The following ZNG1E variants were observed in gnomAD, a reference collection of about 807,000 sequenced individuals.
ZNG1E encodes the protein Zn regulated GTPase metalloprotein activator 1E.
At chr9:65,675,184 A>C in the ZNG1E span, among the ~76,000 whole-genome samples, 1 of 152,410 alleles carries the variant, frequency 6.6e-6, no homozygotes, top group Admixed American at 6.5e-5. Flanking sequence ...GGCGGTGCAC[A>C]TAGGTACGTG....
the ZNG1E span, among the ~76,000 whole-genome samples, chr9:65,658,980 A>T: frequency 6.6e-6 from 1 of 151,898 alleles, no homozygotes; most frequent in African/African-American, 2.4e-5. Flanking sequence ...GTCATATTCT[A>T]AACTACTGGG....
chr9:65,704,922 AAAAACAAAC>A, the ZNG1E span: 1 of 138,186 alleles, frequency 7.2e-6, no homozygotes, highest in Non-Finnish European at 1.5e-5. Flanking sequence ...AAAAAAAAAA[AAAAACAAAC>A]AAAAAAACCG....
the ZNG1E span, among the ~76,000 whole-genome samples, chr9:65,687,782 T>G: frequency 2.1e-5 from 3 of 144,066 alleles, no homozygotes; most frequent in South Asian, 2.3e-4. Flanking sequence ...TCTCCCTCCC[T>G]CCTTGAAGGC....
chr9:65,716,313 CCTGA>C, the ZNG1E span, among the ~76,000 whole-genome samples: 13 of 133,948 alleles, frequency 9.7e-5, no homozygotes, highest in Middle Eastern at 3.6e-3. Flanking sequence ...TGTCACCATG[CCTGA>C]CTAATTTTTT....
the ZNG1E span, chr9:65,703,512 A>G: frequency 1.1e-6 from 1 of 929,876 alleles, no homozygotes; most frequent in Non-Finnish European, 1.3e-6. Flanking sequence ...ATTTCTGTAG[A>G]TTAAATTCTG....
the ZNG1E span, among the ~76,000 whole-genome samples, chr9:65,677,627 C>T: frequency 6.6e-6 from 1 of 152,262 alleles, no homozygotes; most frequent in Non-Finnish European, 1.5e-5. Flanking sequence ...TTATTCGTTG[C>T]ATGTTAGCCT....
the ZNG1E span, chr9:65,700,999 G>C: frequency 7.8e-6 from 1 of 128,580 alleles, no homozygotes; most frequent in Non-Finnish European, 1.6e-5. Context: ...TTTGCTGACT[G>C]TTCTGGAGAC....
chr9:65,678,518 GAAAC>G, the ZNG1E span, among the ~76,000 whole-genome samples: 219 of 141,996 alleles, frequency 1.5e-3, 3 homozygotes, highest in African/African-American at 5.5e-3. Flanking sequence ...TAAAACACTG[GAAAC>G]AAACCAAATG....
At chr9:65,719,872 A>G in the ZNG1E span, 15 of 1,141,120 alleles carry the variant, frequency 1.3e-5, no homozygotes, top group Non-Finnish European at 1.7e-5. Context: ...AAAAAACTTA[A>G]TCTGCCAGCT....
the ZNG1E span, among the ~76,000 whole-genome samples, chr9:65,699,009 C>T: frequency 6.8e-6 from 1 of 146,248 alleles, no homozygotes; most frequent in African/African-American, 2.5e-5. Flanking sequence ...GCCTCAGCCT[C>T]CCAAGTAGCT....
At chr9:65,657,602 A>G in the ZNG1E span, among the ~76,000 whole-genome samples, 1 of 152,322 alleles carries the variant, frequency 6.6e-6, no homozygotes, top group East Asian at 1.9e-4. Flanking sequence ...TGGGTGGTTA[A>G]TGAGTACAAA....
At chr9:65,699,188 G>C in the ZNG1E span, among the ~76,000 whole-genome samples, 3 of 149,804 alleles carry the variant, frequency 2.0e-5, no homozygotes, top group Non-Finnish European at 4.5e-5. Flanking sequence ...CTCCCAAAGT[G>C]CTGGGATTAC....
the ZNG1E span, among the ~76,000 whole-genome samples, chr9:65,705,431 GCAAA>G: frequency 9.2e-5 from 14 of 151,612 alleles, no homozygotes; most frequent in East Asian, 1.9e-4. Context: ...GGAAACAGAA[GCAAA>G]CAAACAAAAA....
At chr9:65,671,366 G>A in the ZNG1E span, among the ~76,000 whole-genome samples, 1 of 151,924 alleles carries the variant, frequency 6.6e-6, no homozygotes, top group African/African-American at 2.4e-5. Context: ...TGTCACCCAG[G>A]ATGGAGTGCA....
the ZNG1E span, among the ~76,000 whole-genome samples, chr9:65,716,671 A>AT: frequency 6.6e-5 from 10 of 151,122 alleles, no homozygotes; most frequent in Admixed American, 1.3e-4. Context: ...TTGTAAAAAA[A>AT]AAAATAAAGA....
the ZNG1E span, among the ~76,000 whole-genome samples, chr9:65,702,357 G>A: frequency 6.6e-6 from 1 of 151,610 alleles, no homozygotes; most frequent in Non-Finnish European, 1.5e-5. Flanking sequence ...GAATTTAACA[G>A]GTACTTTTTG....
chr9:65,714,999 C>T, the ZNG1E span, among the ~76,000 whole-genome samples: 11 of 149,870 alleles, frequency 7.3e-5, no homozygotes, highest in East Asian at 1.9e-4. Context: ...CCCCCAGCCT[C>T]GCTGCCGCCT....
chr9:65,688,185 TATTA>T, the ZNG1E span, among the ~76,000 whole-genome samples: 1,795 of 147,744 alleles, frequency 0.012, no homozygotes, highest in Middle Eastern at 0.034. Flanking sequence ...AGTCATTAAT[TATTA>T]ATTAATTGGT....
At chr9:65,660,463 A>T in the ZNG1E span, among the ~76,000 whole-genome samples, 6 of 152,232 alleles carry the variant, frequency 3.9e-5, no homozygotes, top group South Asian at 8.5e-4. Context: ...TTACATAGTC[A>T]TGATAATGAA....
Sources: allele counts gnomAD v4.1 joint callset (sites outside exome capture counted in the v4.1 genomes callset), GRCh38; gene constraint gnomAD v4.1.1; transcripts MANE v1.5; gene names NCBI Gene and HGNC (gene_info 2026-07-23, HGNC 2026-07-21).